The following PTPRD variants were observed in gnomAD, a reference collection of about 807,000 sequenced individuals.
The protein encoded by PTPRD is receptor-type tyrosine-protein phosphatase delta.
Under a neutral mutation model 214.5 loss-of-function variants are expected in PTPRD, and 34 were observed. That is an observed-to-expected ratio of 0.16 (90% confidence interval 0.12 to 0.21). PTPRD has a LOEUF of 0.21. PTPRD is among the 10% of genes least tolerant of loss of function. PTPRD has a pLI of 1.00. For synonymous variants in PTPRD, 1,128 were observed against 845.7 expected (o/e 1.33, Z -5.79); for missense variants, 2,545 against 2,398.7 (o/e 1.06, Z -1.27).
intron 9 of PTPRD, among the ~76,000 whole-genome samples, chr9:9,268,952 G>T (rs907635228): frequency 3.3e-5 from 5 of 149,840 alleles, no homozygotes; most frequent in African/African-American, 1.2e-4. Flanking sequence ...TCTGGGCAAC[G>T]ATTTTCTGGA....
chr9:10,583,391 G>A (rs1287766577), intron 2 of PTPRD, among the ~76,000 whole-genome samples: 1 of 151,872 alleles, frequency 6.6e-6, no homozygotes, highest in African/African-American at 2.4e-5. Flanking sequence ...GGGCTCTTGA[G>A]ACTAATGATT....
chr9:9,085,443 T>A (rs1383023830), intron 10 of PTPRD, among the ~76,000 whole-genome samples: 1 of 152,176 alleles, frequency 6.6e-6, no homozygotes, highest in African/African-American at 2.4e-5. Flanking sequence ...CGGGTACTAA[T>A]GGACATTTCT....
intron 22 of PTPRD, among the ~76,000 whole-genome samples, chr9:8,504,915 G>C (rs992392765): frequency 2.2e-4 from 33 of 152,168 alleles, no homozygotes; most frequent in Non-Finnish European, 2.1e-4. Flanking sequence ...ATTTACAGGA[G>C]GTTGCTATAA....
chr9:8,568,722 T>G (rs557748978), intron 14 of PTPRD, among the ~76,000 whole-genome samples: 1 of 152,038 alleles, frequency 6.6e-6, no homozygotes, highest in Non-Finnish European at 1.5e-5. Flanking sequence ...AATAAAAACC[T>G]CCAGTATAAA....
intron 9 of PTPRD, among the ~76,000 whole-genome samples, chr9:9,268,528 T>C (rs543811255): frequency 6.6e-6 from 1 of 151,400 alleles, no homozygotes; most frequent in African/African-American, 2.4e-5. Context: ...AAAATTCATC[T>C]GGAATAACAA....
intron 5 of PTPRD, among the ~76,000 whole-genome samples, chr9:9,899,239 C>G (rs2075800371): frequency 6.6e-6 from 1 of 151,798 alleles, no homozygotes; most frequent in South Asian, 2.1e-4. Context: ...ACTCATAGAT[C>G]TAAATAATGG....
At chr9:8,640,690 A>T (rs2154334212) in intron 12 of PTPRD, among the ~76,000 whole-genome samples, 1 of 151,458 alleles carries the variant, frequency 6.6e-6, no homozygotes, top group Admixed American at 6.6e-5. Flanking sequence ...GTAAAAAAAA[A>T]AAAAAAATAC....
chr9:10,474,328 G>A (rs773024011), intron 2 of PTPRD, among the ~76,000 whole-genome samples: 5 of 151,484 alleles, frequency 3.3e-5, no homozygotes, highest in Non-Finnish European at 7.4e-5. Flanking sequence ...AAAAAGCAGG[G>A]GTTGCAATCC....
Position 10,469,859 on chromosome 9 carries a change from G to C in PTPRD, c.-599-128842C>G, listed in dbSNP as rs139468871. 4.5e-3 allele frequency among the ~76,000 whole-genome samples: 678 copies of C among 151,630 alleles called. 4 individuals carry two copies. The highest frequency in any genetic ancestry group is 0.016 in the African/African-American group (647 of 41,290). Reference sequence around the variant, plus strand: ...AAATCCTGACATTTGTAGCAACATGGATAAAACTGGAAGGCATTATGTTAA... The same window carrying C: ...AAATCCTGACATTTGTAGCAACATGCATAAAACTGGAAGGCATTATGTTAA... On this transcript the variant is annotated intron_variant, in intron 2 of 45. Coordinates refer to ENST00000381196, the MANE Select transcript of PTPRD (RefSeq NM_002839.4).
intron 5 of PTPRD, among the ~76,000 whole-genome samples, chr9:9,930,833 C>G (rs1314753468): frequency 6.6e-6 from 1 of 151,938 alleles, no homozygotes; most frequent in East Asian, 1.9e-4. Context: ...ATTATAAACA[C>G]TATTAAAAGC....
intron 39 of PTPRD, among the ~76,000 whole-genome samples, chr9:8,351,350 C>T (rs759610367): frequency 4.6e-5 from 7 of 151,382 alleles, no homozygotes; most frequent in Admixed American, 4.0e-4. Flanking sequence ...TGAGAAGGAT[C>T]GGTAATGGTG....
intron 2 of PTPRD, among the ~76,000 whole-genome samples, chr9:10,547,181 AC>A (rs2060345172): frequency 6.6e-6 from 1 of 152,138 alleles, no homozygotes; most frequent in Non-Finnish European, 1.5e-5. Context: ...AGAGAGCAAC[AC>A]ATTTCTGCTA....
intron 11 of PTPRD, among the ~76,000 whole-genome samples, chr9:8,759,815 CTCT>C (rs2094293192): frequency 1.3e-5 from 2 of 152,158 alleles, no homozygotes; most frequent in Admixed American, 6.6e-5. Flanking sequence ...AGTGGTTCTT[CTCT>C]TCTTCCGAGG....
intron 9 of PTPRD, among the ~76,000 whole-genome samples, chr9:9,375,592 T>A (rs1382641740): frequency 6.6e-6 from 1 of 152,046 alleles, no homozygotes; most frequent in Admixed American, 6.6e-5. Context: ...CAAGACTCCG[T>A]CTCAAAAAAC....
At chr9:8,564,818 G>T (rs2088221954) in intron 14 of PTPRD, among the ~76,000 whole-genome samples, 1 of 152,114 alleles carries the variant, frequency 6.6e-6, no homozygotes, top group South Asian at 2.1e-4. Context: ...GGGTTGGTGT[G>T]CATTCACTTA....
At chr9:10,610,005 C>T (rs558084766) in intron 2 of PTPRD, among the ~76,000 whole-genome samples, 1 of 152,262 alleles carries the variant, frequency 6.6e-6, no homozygotes, top group South Asian at 2.1e-4. Context: ...ATTAATCATT[C>T]ATTCCCTGCA....
intron 7 of PTPRD, among the ~76,000 whole-genome samples, chr9:9,683,718 G>C (rs1410681741): frequency 6.6e-6 from 1 of 151,480 alleles, no homozygotes. Context: ...AACTGAAAAA[G>C]CACATAAAAA....
At chr9:10,000,179 T>TATATA (rs2096273253) in intron 4 of PTPRD, among the ~76,000 whole-genome samples, 1 of 152,134 alleles carries the variant, frequency 6.6e-6, no homozygotes, top group South Asian at 2.1e-4. Context: ...AATGTTGCTT[T>TATATA]TATATTAATG....
intron 4 of PTPRD, among the ~76,000 whole-genome samples, chr9:9,970,191 A>G (rs1278859353): frequency 6.6e-6 from 1 of 152,220 alleles, no homozygotes; most frequent in East Asian, 1.9e-4. Context: ...TTGCATTTTA[A>G]AAGAATTACT....
Sources: allele counts gnomAD v4.1 joint callset (sites outside exome capture counted in the v4.1 genomes callset), GRCh38; gene constraint gnomAD v4.1.1; transcripts MANE v1.5; gene names NCBI Gene and HGNC (gene_info 2026-07-23, HGNC 2026-07-21).